SUGCT: variants seen among roughly 807,000 people sequenced by gnomAD.
The protein encoded by SUGCT is succinyl-CoA:glutarate CoA-transferase.
In SUGCT, 41 loss-of-function variants were observed where a neutral mutation model predicts 55.0. That is an observed-to-expected ratio of 0.74 (90% CI 0.58 to 0.97). SUGCT has a LOEUF of 0.97. SUGCT is among the 50% of genes least tolerant of loss of function. The probability of loss-of-function intolerance (pLI) is 0.00; values close to 1 mark genes in which losing one functional copy is unlikely to be tolerated. For missense variants in SUGCT, 568 were observed against 547.8 expected, an observed-to-expected ratio of 1.04 and a Z score of -0.37; for synonymous variants, 187 against 200.4, an observed-to-expected ratio of 0.93 and a Z score of 0.56.
At chr7:40,233,503 G>A (rs1412568064) in intron 6 of SUGCT, among the ~76,000 whole-genome samples, 1 of 152,108 alleles carries the variant, frequency 6.6e-6, no homozygotes, top group African/African-American at 2.4e-5. Context: ...ACAGGCGAGA[G>A]CCACGTTTAT....
rs1554296393 is a variant in SUGCT at position 40,249,344 on chromosome 7, T to TAAAA, written c.576+11619_576+11620insAAAA. On this transcript the variant is annotated intron_variant, in intron 7 of 13. Coordinates refer to ENST00000335693, the MANE Select transcript of SUGCT (RefSeq NM_001193313.2). ...ATATATATATATATATATATATATA[T>TAAAA]ATAATTATATTATATAGAATATATT... 1.3e-4 allele frequency among the ~76,000 whole-genome samples: 17 copies of TAAAA among 128,160 alleles called. 1 individual carries two copies. The highest frequency in any genetic ancestry group is 5.6e-4 in the African/African-American group (17 of 30,540). The allele number at this position is 128,160 out of a possible 152,430, so 84.1% of individuals were successfully genotyped here. A position where few individuals can be genotyped will look rare whatever the true frequency, so the allele number is the denominator to read the frequency against.
intron 12 of SUGCT, among the ~76,000 whole-genome samples, chr7:40,651,252 C>G (rs1018130819): frequency 6.6e-6 from 1 of 152,208 alleles, no homozygotes; most frequent in Non-Finnish European, 1.5e-5. Flanking sequence ...TCACCAGCAT[C>G]TGTTGTTTCT....
chr7:40,805,482 T>C (rs1791044201), intron 13 of SUGCT, among the ~76,000 whole-genome samples: 1 of 152,200 alleles, frequency 6.6e-6, no homozygotes, highest in Non-Finnish European at 1.5e-5. Flanking sequence ...TGTTTACTAT[T>C]TATATGGGTC....
intron 9 of SUGCT, among the ~76,000 whole-genome samples, chr7:40,440,145 G>GTTTTTTTTTTTTTTTTT (rs138984553): frequency 1.5e-5 from 1 of 68,438 alleles, no homozygotes; most frequent in African/African-American, 6.7e-5. Flanking sequence ...GTGTGTGTGT[G>GTTTTTTTTTTTTTTTTT]TTTTTTTTTT....
chr7:41,007,149 T>C, the SUGCT span, among the ~76,000 whole-genome samples: 2 of 152,130 alleles, frequency 1.3e-5, no homozygotes, highest in Non-Finnish European at 2.9e-5. Context: ...TTTAAAAATA[T>C]ATTTTATTTC....
intron 1 of SUGCT, among the ~76,000 whole-genome samples, chr7:40,163,465 C>T (rs530360206): frequency 3.3e-5 from 5 of 151,986 alleles, no homozygotes; most frequent in South Asian, 2.1e-4. Context: ...ATTAGCCGGG[C>T]GTGGTGGCGC....
At chr7:40,480,424 T>A (rs2151487042) in intron 11 of SUGCT, among the ~76,000 whole-genome samples, 1 of 152,174 alleles carries the variant, frequency 6.6e-6, no homozygotes, top group East Asian at 1.9e-4. Flanking sequence ...TTTGTAGTTT[T>A]GTGATCTATT....
chr7:40,674,737 G>A (rs772198171), intron 12 of SUGCT, among the ~76,000 whole-genome samples: 6 of 152,044 alleles, frequency 3.9e-5, no homozygotes, highest in African/African-American at 1.2e-4. Context: ...TTTTGTTTTT[G>A]TCTTTTTTTA....
At chr7:40,787,660 CAAAAAAAAAAAA>C (rs55764379) in intron 13 of SUGCT, among the ~76,000 whole-genome samples, 1 of 48,416 alleles carries the variant, frequency 2.1e-5, no homozygotes, top group South Asian at 1.6e-3. Context: ...AAATTTTGAC[CAAAAAAAAAAAA>C]AAAAAAAAAA....
the SUGCT span, among the ~76,000 whole-genome samples, chr7:40,933,579 G>A: frequency 6.6e-6 from 1 of 152,254 alleles, no homozygotes; most frequent in East Asian, 1.9e-4. Flanking sequence ...CCAATTAAAT[G>A]TAGATTTGGT....
the SUGCT span, among the ~76,000 whole-genome samples, chr7:40,890,250 T>A: frequency 6.9e-6 from 1 of 144,164 alleles, no homozygotes; most frequent in African/African-American, 2.5e-5. Flanking sequence ...ATATTTATAT[T>A]ATATATTTAT....
At chr7:40,798,464 T>C (rs916312467) in intron 13 of SUGCT, among the ~76,000 whole-genome samples, 8 of 152,182 alleles carry the variant, frequency 5.3e-5, no homozygotes, top group East Asian at 3.8e-4. Context: ...CATCAATATA[T>C]TGAGAAATTT....
chr7:40,146,602 T>C (rs1278174715), intron 1 of SUGCT, among the ~76,000 whole-genome samples: 2 of 152,270 alleles, frequency 1.3e-5, no homozygotes, highest in African/African-American at 4.8e-5. Context: ...AGCATGAACA[T>C]GTCCTTAAGG....
chr7:40,997,160 T>C, the SUGCT span, among the ~76,000 whole-genome samples: 1 of 152,208 alleles, frequency 6.6e-6, no homozygotes, highest in African/African-American at 2.4e-5. Context: ...CTCCAGGTCC[T>C]GAAGAAAACA....
intron 13 of SUGCT, among the ~76,000 whole-genome samples, chr7:40,858,631 A>G (rs1046479757): frequency 2.0e-5 from 3 of 152,178 alleles, no homozygotes; most frequent in African/African-American, 7.2e-5. Context: ...AGCAATGAGT[A>G]AGGGTCAGAT....
intron 9 of SUGCT, among the ~76,000 whole-genome samples, chr7:40,372,916 T>A (rs1784357550): frequency 6.6e-6 from 1 of 152,168 alleles, no homozygotes; most frequent in Non-Finnish European, 1.5e-5. Flanking sequence ...CAAATCCATA[T>A]TGATTTGTCA....
chr7:40,701,796 G>A (rs1785181871), intron 12 of SUGCT, among the ~76,000 whole-genome samples: 1 of 152,206 alleles, frequency 6.6e-6, no homozygotes, highest in African/African-American at 2.4e-5. Context: ...GTACGTGGGG[G>A]CTTCCTCCTA....
chr7:40,655,115 G>A (rs1467878504), intron 12 of SUGCT, among the ~76,000 whole-genome samples: 2 of 152,014 alleles, frequency 1.3e-5, no homozygotes, highest in African/African-American at 2.4e-5. Context: ...ACAGCATAGC[G>A]AGACCCTGTT....
chr7:40,844,996 A>G (rs1268365651), intron 13 of SUGCT, among the ~76,000 whole-genome samples: 1 of 152,042 alleles, frequency 6.6e-6, no homozygotes, highest in Non-Finnish European at 1.5e-5. Flanking sequence ...TATATTTCAC[A>G]TATTTCTAGT....
Sources: allele counts gnomAD v4.1 joint callset (sites outside exome capture counted in the v4.1 genomes callset), GRCh38; gene constraint gnomAD v4.1.1; transcripts MANE v1.5; gene names NCBI Gene and HGNC (gene_info 2026-07-23, HGNC 2026-07-21).